Variants in COL4A1 observed in about 807,000 individuals in gnomAD.
The protein encoded by COL4A1 is collagen type IV alpha 1 chain, also known as collagen alpha-1(IV) chain.
A neutral mutation model predicts 216.6 loss-of-function variants in COL4A1; 40 were observed. The observed-to-expected ratio is 0.18, with a 90% CI of 0.14 to 0.24. The LOEUF is 0.24. COL4A1 is among the 10% of genes least tolerant of loss of function. The pLI is 1.00. For missense variants in COL4A1, 1,628 were observed against 2,196.8 expected (o/e 0.74, Z 5.18); for synonymous variants, 839 against 810.7 (o/e 1.03, Z -0.59).
In COL4A1 at chr13:110,179,034, C is replaced by T. The variant is rs1878019123; in HGVS notation, c.2347G>A (p.Glu783Lys). The change falls in exon 31 of 52, where the codon GAA becomes AAA. Residue 783 changes from glutamate to lysine, a missense_variant and splice_region_variant. By Grantham distance (56) the Glu-to-Lys change is moderately conservative (BLOSUM62 1). Around this residue, in one of 8 missense-constraint regions of COL4A1, gnomAD observed 701 missense variants for 892.5 expected, o/e 0.79. Transcript: ENST00000375820. ...CCTGGCAATCCAGGAGGTCCCGGTTCACCTGGAGAAGAAAAATTGAGAGTA... is the reference window on the plus strand; with the variant it reads ...CCTGGCAATCCAGGAGGTCCCGGTTTACCTGGAGAAGAAAAATTGAGAGTA... ...GPPGLQGIRG[E>K]PGPPGLPGSV... The T allele has an allele frequency of 1.2e-6, 2 of 1,608,756 alleles. No homozygotes were observed. The highest frequency in any genetic ancestry group is 1.1e-5 in the South Asian group (1 of 89,996).
intron 1 of COL4A1, among the ~76,000 whole-genome samples, chr13:110,303,019 C>G (rs1001961105): frequency 6.6e-6 from 1 of 152,174 alleles, no homozygotes. Flanking sequence ...TCTTGATGTT[C>G]TTCCACTGTC....
At chr13:110,301,776 C>A (rs1884503191) in intron 1 of COL4A1, among the ~76,000 whole-genome samples, 1 of 152,154 alleles carries the variant, frequency 6.6e-6, no homozygotes, top group Non-Finnish European at 1.5e-5. Flanking sequence ...CAGAGATTAT[C>A]CTTCCTTACA....
At position 110,210,192 on chromosome 13, in the gene COL4A1, A is replaced by C; in HGVS notation, c.489T>G (p.Leu163=). The stretch of plus-strand genomic sequence containing the variant: ...TCAACAGCATCCCGGGCACATGGCC[A>C]AGTATCTCACCTGGATCACCCTAGA... The part of the protein sequence containing the change: ...PGMKGDPGEI[L]GHVPGMLLKG... Residue 163 remains leucine (L), a synonymous_variant, in exon 9 of 52, where the codon CTT becomes CTG. Coordinates refer to ENST00000375820, the MANE Select transcript of COL4A1 (RefSeq NM_001845.6). 1.2e-6 allele frequency: 2 copies of C among 1,613,806 alleles called. No individual in the cohort carries two copies. The highest frequency in any genetic ancestry group is 1.1e-5 in the South Asian group (1 of 91,076).
chr13:110,215,487 G>A lies in COL4A1; in HGVS notation c.145-1472C>T, dbSNP rs1448068932. 2.0e-5 allele frequency among the ~76,000 whole-genome samples: 3 copies of A among 151,772 alleles called. No homozygotes were observed. In the East Asian group the frequency reaches 5.8e-4, roughly 29 times the overall value. On this transcript the variant is annotated intron_variant, in intron 2 of 51. Coordinates refer to ENST00000375820, the MANE Select transcript of COL4A1 (RefSeq NM_001845.6). ...GAGGCTGGAGAGTCACTTGAACCTG[G>A]GAGGCAGAGGTTGCAGAGAGCCAAG...
chr13:110,236,017 T>C (rs1165354548), intron 2 of COL4A1, among the ~76,000 whole-genome samples: 2 of 152,216 alleles, frequency 1.3e-5, no homozygotes, highest in African/African-American at 2.4e-5. Flanking sequence ...AAGATTTAAT[T>C]ACAACTATGA....
At chr13:110,219,682 A>ATATATGTATATATGTATATATATG (rs1555307864) in intron 2 of COL4A1, among the ~76,000 whole-genome samples, 2 of 133,696 alleles carry the variant, frequency 1.5e-5, no homozygotes, top group Middle Eastern at 3.8e-3. Flanking sequence ...ATATATGTGT[A>ATATATGTATATATGTATATATATG]TATATATGTA....
chr13:110,208,932 C>T (rs753848347), intron 11 of COL4A1, 42 bp from the exon 12 acceptor site: 3 of 1,596,972 alleles, frequency 1.9e-6, no homozygotes, highest in South Asian at 2.2e-5. Context: ...GATTTGTCTA[C>T]TTCGTTCAAA....
chr13:110,252,472 A>ACG (rs1281377405), intron 1 of COL4A1, among the ~76,000 whole-genome samples: 492 of 25,694 alleles, frequency 0.019, 108 homozygotes, highest in Middle Eastern at 0.05. Flanking sequence ...ATATAATTAT[A>ACG]TGTATTATAT....
At chr13:110,152,573 T>G in intron 50 of COL4A1, 67 bp from the exon 51 acceptor site, 26 of 1,505,988 alleles carry the variant, frequency 1.7e-5, no homozygotes, top group East Asian at 2.4e-5. Flanking sequence ...AGATCGATCC[T>G]TCCCAGGAAG....
At chr13:110,305,273 G>C (rs963646680) in intron 1 of COL4A1, among the ~76,000 whole-genome samples, 2 of 152,216 alleles carry the variant, frequency 1.3e-5, no homozygotes, top group African/African-American at 4.8e-5. Context: ...GAATGTAATT[G>C]AGCTTTAGGA....
At chr13:110,303,287 T>A (rs1207946766) in intron 1 of COL4A1, among the ~76,000 whole-genome samples, 1 of 151,778 alleles carries the variant, frequency 6.6e-6, no homozygotes, top group African/African-American at 2.4e-5. Context: ...TTTCCAAACA[T>A]CCCCTGCCTG....
intron 1 of COL4A1, chr13:110,298,583 G>A (rs918084229): frequency 2.8e-4 from 43 of 152,294 alleles, no homozygotes; most frequent in African/African-American, 1.0e-3. Flanking sequence ...CCAAAATTTA[G>A]GAGTTATTTT....
At chr13:110,296,521 A>C (rs1044950383) in intron 1 of COL4A1, among the ~76,000 whole-genome samples, 3 of 152,238 alleles carry the variant, frequency 2.0e-5, no homozygotes, top group Admixed American at 1.3e-4. Flanking sequence ...CTGAAGATAC[A>C]AAGAGGCACA....
intron 1 of COL4A1, among the ~76,000 whole-genome samples, chr13:110,269,842 G>A (rs911037785): frequency 6.6e-6 from 1 of 151,880 alleles, no homozygotes; most frequent in Non-Finnish European, 1.5e-5. Context: ...GCAGAAGGAA[G>A]GAAACGTGTT....
intron 4 of COL4A1, among the ~76,000 whole-genome samples, chr13:110,213,026 C>T (rs1212229470): frequency 1.3e-5 from 2 of 152,112 alleles, no homozygotes; most frequent in Admixed American, 1.3e-4. Context: ...AATGGGAAAC[C>T]AAATACCGTA....
intron 49 of COL4A1, chr13:110,160,967 C>A: frequency 1.7e-6 from 1 of 576,138 alleles, no homozygotes; most frequent in South Asian, 2.0e-5. Context: ...CCTCGGCTTC[C>A]CAAAGTGTTG....
intron 1 of COL4A1, among the ~76,000 whole-genome samples, chr13:110,248,415 C>T (rs1436529724): frequency 6.6e-6 from 1 of 152,172 alleles, no homozygotes; most frequent in Non-Finnish European, 1.5e-5. Flanking sequence ...ATTCCACTCC[C>T]AGGGATAAGC....
intron 50 of COL4A1, among the ~76,000 whole-genome samples, chr13:110,153,095 T>C (rs545137426): frequency 7.9e-5 from 12 of 152,294 alleles, no homozygotes; most frequent in Admixed American, 3.3e-4. Context: ...AATCAAGACC[T>C]TAAAATGAAT....
chr13:110,257,803 G>A (rs58708458), intron 1 of COL4A1, among the ~76,000 whole-genome samples: 9,036 of 152,264 alleles, frequency 0.059, 609 homozygotes, highest in African/African-American at 0.17. Flanking sequence ...ATTGACAAGC[G>A]TAATGCTATG....
Sources: gnomAD v4.1 joint callset for allele counts (sites outside exome capture counted in the v4.1 genomes callset) on GRCh38, gnomAD v4.1.1 for gene constraint, gnomAD v4.1.1 regional missense constraint, MANE v1.5 for transcripts, NCBI Gene and HGNC (gene_info 2026-07-23, HGNC 2026-07-21) for gene names.